The following ESRRG variants were observed in gnomAD, a reference collection of about 807,000 sequenced individuals.
ESRRG encodes the protein estrogen-related receptor gamma.
Under a neutral mutation model 44.0 loss-of-function variants are expected in ESRRG, and 13 were observed. The ratio of observed to expected loss-of-function variants is 0.30; its 90% CI spans 0.19 to 0.47. ESRRG has a LOEUF of 0.47. ESRRG is among the 20% of genes least tolerant of loss of function. ESRRG has a pLI of 1.00. For synonymous variants in ESRRG, 215 were observed against 214.6 expected (o/e 1.00, Z -0.02); for missense variants, 395 against 580.6 (o/e 0.68, Z 3.29).
At chr1:216,966,439 T>A (rs1279639408) in intron 1 of ESRRG, among the ~76,000 whole-genome samples, 6 of 152,184 alleles carry the variant, frequency 3.9e-5, no homozygotes, top group Non-Finnish European at 8.8e-5. Flanking sequence ...CCCAAGCCCT[T>A]GGGCTCAACC....
At chr1:216,616,874 T>C (rs1242996188) in intron 3 of ESRRG, among the ~76,000 whole-genome samples, 1 of 152,132 alleles carries the variant, frequency 6.6e-6, no homozygotes, top group African/African-American at 2.4e-5. Context: ...ACCTCCAAGA[T>C]GAGAATAAAT....
chr1:216,605,012 A>G (rs1248611297), intron 3 of ESRRG, among the ~76,000 whole-genome samples: 1 of 152,202 alleles, frequency 6.6e-6, no homozygotes, highest in Non-Finnish European at 1.5e-5. Flanking sequence ...GGAGATGCTT[A>G]TATGAGTGGG....
At chr1:217,061,644 A>T (rs2151357794) in intron 1 of ESRRG, among the ~76,000 whole-genome samples, 1 of 152,218 alleles carries the variant, frequency 6.6e-6, no homozygotes, top group African/African-American at 2.4e-5. Context: ...TTCTTTATTA[A>T]ATTTGCTGTG....
At chr1:217,105,021 C>G (rs1483578183) in intron 1 of ESRRG, among the ~76,000 whole-genome samples, 1 of 152,134 alleles carries the variant, frequency 6.6e-6, no homozygotes, top group Non-Finnish European at 1.5e-5. Context: ...AAGATTCCAT[C>G]TATTACCTAT....
At chr1:217,057,368 G>A (rs2087345863) in intron 1 of ESRRG, among the ~76,000 whole-genome samples, 1 of 152,042 alleles carries the variant, frequency 6.6e-6, no homozygotes, top group Admixed American at 6.6e-5. Context: ...TAGTATCAAG[G>A]TCAAGGTCAA....
At chr1:216,721,213 A>T (rs931484625) in intron 1 of ESRRG, among the ~76,000 whole-genome samples, 9 of 152,224 alleles carry the variant, frequency 5.9e-5, no homozygotes, top group Non-Finnish European at 7.4e-5. Context: ...TGGTCAATAA[A>T]TGGTATGAAT....
At chr1:217,035,596 T>C (rs1022750833) in intron 1 of ESRRG, among the ~76,000 whole-genome samples, 1 of 151,500 alleles carries the variant, frequency 6.6e-6, no homozygotes, top group Non-Finnish European at 1.5e-5. Context: ...AAAAAGTTAC[T>C]AGGCCCTGCG....
chr1:216,717,987 A>G (rs115805893), intron 1 of ESRRG, among the ~76,000 whole-genome samples: 2,869 of 151,980 alleles, frequency 0.019, 90 homozygotes, highest in African/African-American at 0.062. Context: ...ATTTAATATC[A>G]GTAGTTTCTT....
chr1:216,579,727 T>G (rs1384643766), intron 3 of ESRRG, among the ~76,000 whole-genome samples: 1 of 152,152 alleles, frequency 6.6e-6, no homozygotes, highest in East Asian at 1.9e-4. Flanking sequence ...AGGATGCATC[T>G]CTAAATTCTA....
chr1:216,731,849 T>C (rs1026198960), intron 2 of ESRRG, among the ~76,000 whole-genome samples: 3 of 152,178 alleles, frequency 2.0e-5, no homozygotes, highest in African/African-American at 7.2e-5. Flanking sequence ...GTTTATCCAA[T>C]CAAACTGTGT....
At chr1:216,835,268 T>C (rs546900222) in intron 2 of ESRRG, among the ~76,000 whole-genome samples, 2 of 152,270 alleles carry the variant, frequency 1.3e-5, no homozygotes, top group African/African-American at 4.8e-5. Context: ...CCCAGAATCA[T>C]AGCAGATTCA....
intron 1 of ESRRG, among the ~76,000 whole-genome samples, chr1:216,975,298 C>G (rs1339216): frequency 0.48 from 73,485 of 152,056 alleles, 19,487 homozygotes; most frequent in East Asian, 0.73. Context: ...TCTTACCAAC[C>G]ATTTTAAATA....
chr1:216,991,851 A>C (rs9441614), intron 1 of ESRRG, among the ~76,000 whole-genome samples: 130,057 of 152,202 alleles, frequency 0.85, 55,747 homozygotes, highest in East Asian at 1. Context: ...CCCTAGAAAG[A>C]AATTTCCAGG....
chr1:216,748,272 G>T (rs2152278387), intron 2 of ESRRG, among the ~76,000 whole-genome samples: 1 of 152,248 alleles, frequency 6.6e-6, no homozygotes, highest in Admixed American at 6.5e-5. Context: ...TGGACATTTT[G>T]TGGCACCAGA....
At chr1:216,634,156 A>G (rs147878852) in intron 3 of ESRRG, among the ~76,000 whole-genome samples, 8 of 152,342 alleles carry the variant, frequency 5.3e-5, no homozygotes, top group Admixed American at 2.0e-4. Flanking sequence ...TCTCTGAAGC[A>G]TAATGCTTCA....
At chr1:217,095,654 T>C (rs562122535) in intron 1 of ESRRG, among the ~76,000 whole-genome samples, 1 of 152,336 alleles carries the variant, frequency 6.6e-6, no homozygotes, top group East Asian at 1.9e-4. Context: ...AAGGTTTTGG[T>C]AAGAAAATAA....
At chr1:216,632,890 A>G (rs116262805) in intron 3 of ESRRG, among the ~76,000 whole-genome samples, 3,904 of 152,252 alleles carry the variant, frequency 0.026, 157 homozygotes, top group African/African-American at 0.082. Flanking sequence ...TAAAGTCAAT[A>G]AATAGAGCTA....
chr1:216,710,668 T>C (rs2083410339), intron 1 of ESRRG, among the ~76,000 whole-genome samples: 1 of 152,220 alleles, frequency 6.6e-6, no homozygotes, highest in African/African-American at 2.4e-5. Context: ...TTTCTACTCA[T>C]GGAATTTTGC....
rs143144178 is a variant in ESRRG at position 216,687,026 on chromosome 1, C to CGTGTGTGTGT, written c.57-9545_57-9536dup. ...CACCATTCAGGGACATGGCAGGGCC[C>CGTGTGTGTGT]GTGTGTGTGTGTGTGTGTGTCTGTG... On this transcript the variant is annotated intron_variant, in intron 1 of 6. Coordinates refer to ENST00000408911, the MANE Select transcript of ESRRG (RefSeq NM_001438.4). 2.0e-3 allele frequency among the ~76,000 whole-genome samples: 303 copies of CGTGTGTGTGT among 149,234 alleles called. 3 individuals are homozygous for CGTGTGTGTGT. Among genetic ancestry groups the CGTGTGTGTGT allele is most frequent in the African/African-American group, 7.1e-3 (289 of 40,632 alleles).
Sources: allele counts gnomAD v4.1 joint callset (sites outside exome capture counted in the v4.1 genomes callset), GRCh38; gene constraint gnomAD v4.1.1; transcripts MANE v1.5; gene names NCBI Gene and HGNC (gene_info 2026-07-23, HGNC 2026-07-21).